Variants in CFAP70 observed in about 807,000 individuals in gnomAD.
CFAP70 encodes the protein cilia- and flagella-associated protein 70.
CFAP70 carries 81 observed loss-of-function variants against 137.6 expected under a neutral mutation model. That is an observed-to-expected ratio of 0.59 (90% CI 0.49 to 0.71). The LOEUF is 0.71. Among genes scored for constraint, CFAP70 ranks in the 30% least tolerant of loss-of-function variants. The pLI is 0.00. For missense variants in CFAP70, 976 were observed against 1,226.7 expected, an observed-to-expected ratio of 0.80 and a Z score of 3.05; for synonymous variants, 382 against 423.6, an observed-to-expected ratio of 0.90 and a Z score of 1.20.
At chr10:73,317,601 T>A (rs370278279) in intron 9 of CFAP70, among the ~76,000 whole-genome samples, 4 of 152,342 alleles carry the variant, frequency 2.6e-5, no homozygotes, top group African/African-American at 7.2e-5. Flanking sequence ...TGTAAATTCA[T>A]GTCTTCATCA....
At chr10:73,360,154 T>C (rs1442226712), upstream of CFAP70, among the ~76,000 whole-genome samples, 1 of 152,138 alleles carries the variant, frequency 6.6e-6, no homozygotes, top group East Asian at 1.9e-4. Context: ...CTCATCTGAA[T>C]TGGATGGTAG....
chr10:73,320,906 A>T (rs2050793384), intron 9 of CFAP70, among the ~76,000 whole-genome samples: 2 of 152,028 alleles, frequency 1.3e-5, no homozygotes, highest in South Asian at 4.1e-4. Context: ...ACCTCAGGTG[A>T]TCCGCCCGCC....
chr10:73,356,965 T>C, intron 1 of CFAP70, among the ~76,000 whole-genome samples: 1 of 151,992 alleles, frequency 6.6e-6, no homozygotes. Context: ...AGATGTGAAC[T>C]CTCTAACCTC....
At chr10:73,321,390 C>T (rs1195358567) in intron 9 of CFAP70, among the ~76,000 whole-genome samples, 6 of 152,126 alleles carry the variant, frequency 3.9e-5, no homozygotes, top group Non-Finnish European at 7.4e-5. Context: ...TGCACTCCAG[C>T]TTGGGCAACA....
intron 22 of CFAP70, 106 bp from the exon 24 acceptor site, chr10:73,274,700 CTCTTT>C: frequency 9.1e-7 from 1 of 1,094,124 alleles, no homozygotes; most frequent in Non-Finnish European, 1.3e-6. Context: ...CATTTCCTTT[CTCTTT>C]TCTTTTTCAG....
chr10:73,255,092 G>A (rs1564732565), intron 26 of CFAP70, among the ~76,000 whole-genome samples: 1 of 151,994 alleles, frequency 6.6e-6, no homozygotes, highest in Non-Finnish European at 1.5e-5. Flanking sequence ...GCAAAACCCT[G>A]TCTCTATGAA....
Position 73,310,148 on chromosome 10 carries a change from A to T in CFAP70, c.1256+10T>A. On this transcript the variant is annotated intron_variant, in intron 12 of 26. Coordinates refer to ENST00000310715, the Ensembl canonical transcript of CFAP70. ...TGTACAAAACTAGTATAAGCACCAT[A>T]GCTACAAACCTTCTGGCTAGCTCCT... 1 of 1,590,624 alleles carries T rather than the reference A, an allele frequency of 6.3e-7. No homozygotes were observed. The highest frequency in any genetic ancestry group is 8.6e-7 in the Non-Finnish European group (1 of 1,166,164).
In CFAP70 at chr10:73,339,904, A is replaced by C. The variant is rs533832788; in HGVS notation, c.582+1495T>G. On this transcript the variant is annotated intron_variant, in intron 6 of 26. Transcript: ENST00000310715. Reference sequence around the variant, plus strand: ...CTCTTCTCCCCTTTTTGTCACCCACAATGTGATGAGCAAGGGACATGTTTC... The same window carrying C: ...CTCTTCTCCCCTTTTTGTCACCCACCATGTGATGAGCAAGGGACATGTTTC... 4.6e-5 allele frequency among the ~76,000 whole-genome samples: 7 copies of C among 152,272 alleles called. No homozygotes were observed. The East Asian group carries it at 1.3e-3, about 29-fold the overall frequency.
At chr10:73,360,394 T>C (rs138966820), upstream of CFAP70, among the ~76,000 whole-genome samples, 7 of 152,122 alleles carry the variant, frequency 4.6e-5, no homozygotes, top group East Asian at 1.4e-3. Flanking sequence ...ACACACACAG[T>C]GAGCAATGGA....
At chr10:73,335,395 G>A in intron 7 of CFAP70, 35 bp downstream of exon 8, 1 of 1,388,022 alleles carries the variant, frequency 7.2e-7, no homozygotes, top group South Asian at 1.3e-5. Flanking sequence ...ACAAGCCTTT[G>A]TGGGTTAGAC....
At chr10:73,335,358 T>TA in intron 7 of CFAP70, 72 bp downstream of exon 8, 1 of 950,450 alleles carries the variant, frequency 1.1e-6, no homozygotes, top group Middle Eastern at 2.2e-4. Flanking sequence ...TAAATAAAAT[T>TA]AACAAAAGTA....
chr10:73,320,125 T>C (rs1007174674), intron 9 of CFAP70, among the ~76,000 whole-genome samples: 4 of 152,208 alleles, frequency 2.6e-5, no homozygotes, highest in Middle Eastern at 3.2e-3. Flanking sequence ...ATTTTATATA[T>C]AGAAACTTGA....
intron 12 of CFAP70, among the ~76,000 whole-genome samples, chr10:73,308,050 G>A (rs185025354): frequency 3.0e-4 from 46 of 152,196 alleles, no homozygotes; most frequent in African/African-American, 9.9e-4. Context: ...AGCTACTTGG[G>A]AGGCTGAGGC....
chr10:73,297,044 G>A lies in CFAP70; in HGVS notation c.1642C>T (p.Gln548Ter). Residue 548 changes from glutamine to a stop codon, truncating the protein, a stop_gained and splice_region_variant, in exon 15 of 27, where the codon CAG becomes TAG. Coordinates refer to ENST00000310715, the Ensembl canonical transcript of CFAP70. LOFTEE classifies it high-confidence loss of function. ...TGCTCTCAGTTCTTGACACTTACCT[G>A]GTTTAGGGCTACATGCATCTGATCT... 3.7e-6 allele frequency: 6 copies of A among 1,613,164 alleles called. No homozygotes were observed. The highest frequency in any genetic ancestry group is 5.1e-6 in the Non-Finnish European group (6 of 1,179,552).
At chr10:73,341,699 G>T in intron 5 of CFAP70, 118 bp from the exon 7 acceptor site, 1 of 819,796 alleles carries the variant, frequency 1.2e-6, no homozygotes. Flanking sequence ...ACCCCTCTAC[G>T]ATTAATCTGA....
intron 6 of CFAP70, 54 bp from the exon 8 acceptor site, chr10:73,335,578 C>T (rs2052561425): frequency 2.3e-6 from 3 of 1,327,840 alleles, no homozygotes; most frequent in Non-Finnish European, 3.2e-6. Context: ...CTTCATTCTG[C>T]TCCATCTATA....
At chr10:73,346,138 C>G (rs900282629) in intron 4 of CFAP70, among the ~76,000 whole-genome samples, 3 of 151,756 alleles carry the variant, frequency 2.0e-5, no homozygotes, top group Admixed American at 6.6e-5. Flanking sequence ...ACCTCGTGAT[C>G]CAGCCGCCTT....
intron 20 of CFAP70, among the ~76,000 whole-genome samples, chr10:73,277,844 G>A (rs191161833): frequency 4.2e-4 from 64 of 152,282 alleles, no homozygotes; most frequent in Non-Finnish European, 6.9e-4. Flanking sequence ...GCACTCAAAG[G>A]TTCTCAAGGT....
At chr10:73,258,803 C>T (rs1312610978) in intron 25 of CFAP70, among the ~76,000 whole-genome samples, 1 of 152,152 alleles carries the variant, frequency 6.6e-6, no homozygotes, top group South Asian at 2.1e-4. Context: ...ATGAAAAAAG[C>T]CCCGGTTTCC....
Sources: gnomAD v4.1 joint callset for allele counts (sites outside exome capture counted in the v4.1 genomes callset) on GRCh38, gnomAD v4.1.1 for gene constraint, MANE v1.5 for transcripts, NCBI Gene and HGNC (gene_info 2026-07-23, HGNC 2026-07-21) for gene names.